The following NT5C2 variants were observed in gnomAD, a reference collection of about 807,000 sequenced individuals.
NT5C2 encodes 5'-nucleotidase, cytosolic II.
A neutral mutation model predicts 76.1 loss-of-function variants in NT5C2; 58 were observed. That is an observed-to-expected ratio of 0.76 (90% CI 0.62 to 0.95). NT5C2 has a LOEUF of 0.95. NT5C2 is among the 40% of genes least tolerant of loss of function. The probability of loss-of-function intolerance (pLI) is 0.00; values close to 1 mark genes in which losing one functional copy is unlikely to be tolerated. For synonymous variants in NT5C2, 229 were observed against 237.4 expected (o/e 0.96, Z 0.32); for missense variants, 478 against 690.3 (o/e 0.69, Z 3.45).
At chr10:103,119,243 C>G (rs1591037928) in intron 4 of NT5C2, among the ~76,000 whole-genome samples, 1 of 152,114 alleles carries the variant, frequency 6.6e-6, no homozygotes, top group East Asian at 1.9e-4. Context: ...GTGGCACATG[C>G]CTGAAATCCC....
chr10:103,145,084 A>G (rs1390366030), intron 3 of NT5C2, among the ~76,000 whole-genome samples: 1 of 152,228 alleles, frequency 6.6e-6, no homozygotes, highest in Non-Finnish European at 1.5e-5. Context: ...TTGTATGAAT[A>G]GCTGAAGTGC....
chr10:103,093,322 A>G lies in NT5C2; in HGVS notation c.989-13T>C, dbSNP rs374338400. 1 of 1,530,016 alleles carries G rather than the reference A, an allele frequency of 6.5e-7. No individual in the cohort carries two copies. The highest frequency in any genetic ancestry group is 1.4e-5 in the African/African-American group (1 of 71,110). The allele number at this position is 1,530,016 out of a possible 1,614,324, so 94.8% of individuals were successfully genotyped here. A position where few individuals can be genotyped will look rare whatever the true frequency, so the allele number is the denominator to read the frequency against. On this transcript the variant is annotated splice_polypyrimidine_tract_variant and intron_variant, in intron 14 of 18. Transcript: ENST00000404739. ...GTATCAGAAGAACCTGAACCAACAG[A>G]GTGAACAATGAGAAAACTGTCCCTA...
At chr10:103,091,137 C>A (rs184487866) in intron 16 of NT5C2, 141 bp from the exon 17 acceptor site, 4 of 701,328 alleles carry the variant, frequency 5.7e-6, no homozygotes, top group African/African-American at 5.4e-5. Flanking sequence ...CAGCTTCAAG[C>A]GATTCTCCTG....
chr10:103,183,260 G>GATATATA (rs1177155271), intron 1 of NT5C2, among the ~76,000 whole-genome samples: 1 of 38,796 alleles, frequency 2.6e-5, no homozygotes, highest in African/African-American at 1.2e-4. Context: ...ATGTGTGTGT[G>GATATATA]TGATATATAT....
intron 6 of NT5C2, among the ~76,000 whole-genome samples, chr10:103,102,246 G>C (rs1009796541): frequency 2.0e-5 from 3 of 152,060 alleles, no homozygotes; most frequent in African/African-American, 7.2e-5. Context: ...TCCAAGCAGA[G>C]ACCTAGAAAA....
intron 4 of NT5C2, among the ~76,000 whole-genome samples, chr10:103,119,618 C>A (rs1397400799): frequency 6.6e-6 from 1 of 152,186 alleles, no homozygotes; most frequent in Non-Finnish European, 1.5e-5. Context: ...GACTTTTCAA[C>A]AAATACATTC....
intron 2 of NT5C2, among the ~76,000 whole-genome samples, chr10:103,179,795 C>T (rs2090745298): frequency 6.6e-6 from 1 of 152,174 alleles, no homozygotes; most frequent in Admixed American, 6.5e-5. Flanking sequence ...GGTTTATATG[C>T]ATATGCAAAA....
intron 3 of NT5C2, chr10:103,146,495 G>T (rs2081508793): frequency 1.1e-6 from 1 of 938,842 alleles, no homozygotes; most frequent in Non-Finnish European, 1.3e-6. Context: ...AGTTACAAGT[G>T]CTTTTTGAGA....
Position 103,141,045 on chromosome 10 carries a change from T to C in NT5C2, c.102-1566A>G, listed in dbSNP as rs1485456802. On this transcript the variant is annotated intron_variant, in intron 3 of 18. Transcript: ENST00000404739. ...TAGTCCCACTTGTTTTTGCTTTTGC[T>C]GCCTGTGCTTTTGGTGTCCTATCCA... 2.0e-5 allele frequency among the ~76,000 whole-genome samples: 3 copies of C among 152,234 alleles called. No individual in the cohort carries two copies. In the East Asian group the frequency reaches 5.8e-4, roughly 29 times the overall value.
intron 6 of NT5C2, chr10:103,105,403 A>C (rs530815119): frequency 4.4e-6 from 4 of 919,324 alleles, no homozygotes; most frequent in Non-Finnish European, 5.9e-6. Context: ...AGAAGAAAAT[A>C]AAAATCTTAG....
rs778740247 is a variant in NT5C2, at chr10:103,101,334, A to G, written c.390-8T>C. 2.8e-6 allele frequency: 4 copies of G among 1,433,374 alleles called. No individual in the cohort carries two copies. Among genetic ancestry groups the G allele is most frequent in the Non-Finnish European group, 3.9e-6 (4 of 1,029,892 alleles). The allele number at this position is 1,433,374 out of a possible 1,614,324, so 88.8% of individuals were successfully genotyped here. A position where few individuals can be genotyped will look rare whatever the true frequency, so the allele number is the denominator to read the frequency against. ...TGTTCTCTAGTTTCTGGTCTGAAAG[A>G]AAAATTTAAAAATTAACTGATTTTT... On this transcript the variant is annotated splice_polypyrimidine_tract_variant and splice_region_variant and intron_variant, in intron 6 of 18. Transcript: ENST00000404739.
chr10:103,099,208 G>A (rs2068935580), intron 9 of NT5C2, among the ~76,000 whole-genome samples: 1 of 152,142 alleles, frequency 6.6e-6, no homozygotes, highest in East Asian at 1.9e-4. Flanking sequence ...CAAGTAGCTA[G>A]GACCACAGGT....
intron 4 of NT5C2, among the ~76,000 whole-genome samples, chr10:103,117,973 T>C (rs2074765980): frequency 6.6e-6 from 1 of 152,140 alleles, no homozygotes; most frequent in East Asian, 1.9e-4. Flanking sequence ...CTGAAAACAA[T>C]TCCAAAAGAA....
chr10:103,091,813 A>G (rs1382959030), intron 15 of NT5C2, among the ~76,000 whole-genome samples, 198 bp from the exon 16 acceptor site: 1 of 152,178 alleles, frequency 6.6e-6, no homozygotes, highest in Non-Finnish European at 1.5e-5. Context: ...ACAGATGAAC[A>G]CCATCACCTT....
chr10:103,121,902 G>A (rs2075741746), intron 4 of NT5C2, among the ~76,000 whole-genome samples: 1 of 152,194 alleles, frequency 6.6e-6, no homozygotes, highest in African/African-American at 2.4e-5. Context: ...GGCCAGGCAC[G>A]ATGGCTCAAG....
intron 3 of NT5C2, among the ~76,000 whole-genome samples, chr10:103,163,582 T>TGATGTTCAGAAAA (rs2085495591): frequency 6.6e-6 from 1 of 152,198 alleles, no homozygotes. Flanking sequence ...GTTCAGTCTT[T>TGATGTTCAGAAAA]TAACCATTTC....
At chr10:103,158,556 C>T (rs186191264) in intron 3 of NT5C2, among the ~76,000 whole-genome samples, 41 of 152,192 alleles carry the variant, frequency 2.7e-4, no homozygotes, top group Non-Finnish European at 4.6e-4. Flanking sequence ...GTGGCTCACA[C>T]TTAACAATCC....
intron 3 of NT5C2, among the ~76,000 whole-genome samples, chr10:103,151,464 TAAA>T (rs371652593): frequency 5.8e-5 from 8 of 139,100 alleles, no homozygotes; most frequent in Non-Finnish European, 7.8e-5. Flanking sequence ...AACCTGTTCT[TAAA>T]AAAAAAAAAA....
Position 103,150,462 on chromosome 10 carries a change from T to G in NT5C2, c.102-10983A>C, listed in dbSNP as rs182440289. The stretch of plus-strand genomic sequence containing the variant: ...TTGGTTTGTTTCCAGCTTTCGACTA[T>G]TATAAATAATGCTGCTACAAACAGT... On this transcript the variant is annotated intron_variant, in intron 3 of 18. Coordinates refer to ENST00000404739, the MANE Select transcript of NT5C2 (RefSeq NM_001351169.2). 2.6e-5 allele frequency among the ~76,000 whole-genome samples: 4 copies of G among 152,346 alleles called. No individual in the cohort carries two copies. In the East Asian group the frequency reaches 7.7e-4, roughly 29 times the overall value.
Sources: gnomAD v4.1 joint callset for allele counts (sites outside exome capture counted in the v4.1 genomes callset) on GRCh38, gnomAD v4.1.1 for gene constraint, MANE v1.5 for transcripts, NCBI Gene and HGNC (gene_info 2026-07-23, HGNC 2026-07-21) for gene names.